Variants in WDFY3 observed in about 807,000 individuals in gnomAD.
WDFY3 encodes WD repeat and FYVE domain-containing protein 3.
Under a neutral mutation model 409.6 loss-of-function variants are expected in WDFY3, and 66 were observed. The observed-to-expected ratio is 0.16, with a 90% CI of 0.13 to 0.20. The LOEUF is 0.20. WDFY3 is among the 10% of genes least tolerant of loss of function. The pLI is 1.00. For missense variants in WDFY3, 3,031 were observed against 4,298.1 expected (o/e 0.71, Z 8.24); for synonymous variants, 1,521 against 1,537.1 (o/e 0.99, Z 0.25).
intron 2 of WDFY3, among the ~76,000 whole-genome samples, chr4:84,899,610 T>C (rs909152909): frequency 3.9e-5 from 6 of 152,198 alleles, no homozygotes; most frequent in African/African-American, 1.4e-4. Flanking sequence ...CACATCCACA[T>C]TCATTTACTT....
At chr4:84,850,157 A>G (rs1417245324) in intron 4 of WDFY3, 132 bp from the exon 5 acceptor site, 2 of 905,868 alleles carry the variant, frequency 2.2e-6, no homozygotes, top group Non-Finnish European at 1.6e-6. Flanking sequence ...TTGAATCTTA[A>G]TATGTTGAAA....
At chr4:84,833,133 A>G (rs1756000079) in intron 7 of WDFY3, among the ~76,000 whole-genome samples, 2 of 152,122 alleles carry the variant, frequency 1.3e-5, no homozygotes, top group Admixed American at 6.6e-5. Context: ...TGCAGAATAC[A>G]TACTACACAA....
At chr4:84,806,565 T>C (rs1289240104) in intron 15 of WDFY3, among the ~76,000 whole-genome samples, 2 of 149,770 alleles carry the variant, frequency 1.3e-5, no homozygotes, top group African/African-American at 2.6e-5. Context: ...AAAAAGAGAA[T>C]GCTGTTTTCC....
chr4:84,834,230 G>A (rs1309670251), intron 7 of WDFY3, among the ~76,000 whole-genome samples: 1 of 152,226 alleles, frequency 6.6e-6, no homozygotes, highest in Non-Finnish European at 1.5e-5. Flanking sequence ...CAAACTGGAT[G>A]CAAGGATTTC....
At chr4:84,716,508 C>T (rs1197628725) in intron 49 of WDFY3, among the ~76,000 whole-genome samples, 2 of 138,374 alleles carry the variant, frequency 1.4e-5, no homozygotes, top group Non-Finnish European at 3.1e-5. Context: ...TAAAATAATA[C>T]ATTTTCGGCC....
At position 84,945,587 on chromosome 4, in the gene WDFY3, T is replaced by C. The variant is rs531796987; in HGVS notation, c.-225-13224A>G. On this transcript the variant is annotated intron_variant, in intron 1 of 67. Transcript: ENST00000295888. ...TCCTCACAGAGGAGTAATGGCATTT[T>C]GAAGCTTGACATGCAAGTTGTTGCG... Among the ~76,000 whole-genome samples the C allele has an allele frequency of 1.4e-4, 21 of 152,314 alleles. No homozygotes were observed. In the South Asian group the frequency reaches 4.1e-3, roughly 30 times the overall value.
chr4:84,960,460 T>TG (rs1774770452), intron 1 of WDFY3, among the ~76,000 whole-genome samples: 1 of 152,204 alleles, frequency 6.6e-6, no homozygotes, highest in Admixed American at 6.5e-5. Context: ...GAATACTACA[T>TG]GCACAAGACA....
At chr4:84,874,915 C>T (rs1041722207) in intron 3 of WDFY3, among the ~76,000 whole-genome samples, 1 of 152,138 alleles carries the variant, frequency 6.6e-6, no homozygotes, top group Non-Finnish European at 1.5e-5. Context: ...TAGCCTATTG[C>T]TCCTAGGTAC....
chr4:84,802,255 CTTTTT>C (rs776901894), intron 16 of WDFY3, among the ~76,000 whole-genome samples: 1 of 137,790 alleles, frequency 7.3e-6, no homozygotes. Context: ...CAGAAGCATA[CTTTTT>C]TTTTTTTTTT....
intron 1 of WDFY3, among the ~76,000 whole-genome samples, chr4:84,958,968 G>A (rs1168301020): frequency 1.3e-5 from 2 of 152,120 alleles, no homozygotes; most frequent in Non-Finnish European, 2.9e-5. Flanking sequence ...ATTGTATGAT[G>A]TCACTGACAG....
chr4:84,814,379 G>A (rs1216545321), intron 13 of WDFY3, among the ~76,000 whole-genome samples: 6 of 152,168 alleles, frequency 3.9e-5, no homozygotes, highest in Non-Finnish European at 8.8e-5. Context: ...TGCGGAGAAT[G>A]CTATACAGTG....
chr4:84,947,779 G>A (rs1259176773), intron 1 of WDFY3, among the ~76,000 whole-genome samples: 3 of 151,198 alleles, frequency 2.0e-5, no homozygotes, highest in Non-Finnish European at 4.4e-5. Flanking sequence ...CTACTCAGGG[G>A]CTTAAGGAGG....
chr4:84,702,892 C>G (rs1276046705), intron 55 of WDFY3, among the ~76,000 whole-genome samples: 1 of 152,020 alleles, frequency 6.6e-6, no homozygotes, highest in Admixed American at 6.5e-5. Context: ...GTCAGGAGAT[C>G]GAGACCATCC....
At chr4:84,825,251 A>C (rs912580131) in intron 10 of WDFY3, among the ~76,000 whole-genome samples, 1 of 152,186 alleles carries the variant, frequency 6.6e-6, no homozygotes, top group Non-Finnish European at 1.5e-5. Context: ...AAAGTATAAA[A>C]TAGGAAGTAC....
At chr4:84,885,730 T>C (rs1027869460) in intron 3 of WDFY3, among the ~76,000 whole-genome samples, 1 of 152,226 alleles carries the variant, frequency 6.6e-6, no homozygotes, top group Non-Finnish European at 1.5e-5. Flanking sequence ...TTGCACCTAA[T>C]AGATTAGCAA....
At chr4:84,692,843 C>A in intron 59 of WDFY3, 42 bp downstream of exon 59, 4 of 1,543,762 alleles carry the variant, frequency 2.6e-6, no homozygotes, top group South Asian at 1.2e-5. Context: ...ATTAACAATC[C>A]CATTAAATCA....
chr4:84,916,908 A>C (rs1768566067), intron 2 of WDFY3, among the ~76,000 whole-genome samples: 1 of 152,182 alleles, frequency 6.6e-6, no homozygotes, highest in African/African-American at 2.4e-5. Flanking sequence ...CTCAATGATA[A>C]AAGATGTTTG....
chr4:84,745,104 T>C (rs1560648086), intron 36 of WDFY3, among the ~76,000 whole-genome samples: 1 of 152,084 alleles, frequency 6.6e-6, no homozygotes, highest in Non-Finnish European at 1.5e-5. Flanking sequence ...TGACAACAAT[T>C]CTACTTGTAA....
intron 41 of WDFY3, among the ~76,000 whole-genome samples, 190 bp downstream of exon 41, chr4:84,736,994 T>TAAA (rs200364139): frequency 1.7e-5 from 2 of 114,546 alleles, no homozygotes; most frequent in African/African-American, 6.3e-5. Flanking sequence ...CCTCAGATGC[T>TAAA]AAAAAAAAAA....
Sources: gnomAD v4.1 joint callset for allele counts (sites outside exome capture counted in the v4.1 genomes callset) on GRCh38, gnomAD v4.1.1 for gene constraint, MANE v1.5 for transcripts, NCBI Gene and HGNC (gene_info 2026-07-23, HGNC 2026-07-21) for gene names.